Variants in TRIOBP observed in about 807,000 individuals in gnomAD.
TRIOBP encodes the protein TRIO and F-actin binding protein, also known as TRIO and F-actin-binding protein.
A neutral mutation model predicts 238.8 loss-of-function variants in TRIOBP; 169 were observed. The observed-to-expected ratio is 0.71, with a 90% confidence interval of 0.62 to 0.80. The LOEUF is 0.80. Ranked by LOEUF, TRIOBP falls within the 30% of genes least tolerant of loss-of-function variation. The pLI is 0.00. For missense variants in TRIOBP, 2,838 were observed against 3,122.6 expected (o/e 0.91, Z 2.17); for synonymous variants, 1,150 against 1,274.4 (o/e 0.90, Z 2.08).
chr22:37,725,402 C>T lies in TRIOBP; in HGVS notation c.2846C>T (p.Thr949Ile), dbSNP rs758045109. The T allele has an allele frequency of 3.7e-6, 6 of 1,610,646 alleles. No individual in the cohort carries two copies. Among genetic ancestry groups the T allele is most frequent in the East Asian group, 4.5e-5 (2 of 44,826 alleles). The change falls in exon 7 of 24, where the codon ACA becomes ATA. Residue 949 changes from threonine to isoleucine, a missense_variant. Coordinates refer to ENST00000644935, the MANE Select transcript of TRIOBP (RefSeq NM_001039141.3). ...CCAACCCAAGGTGACAGGCCTCAGA[C>T]ATCCTCTCCCAGCAGGCCAGCCCAG... ...LRPTQGDRPQTSSPSRPAQHD... is the reference protein window; with the variant it reads ...LRPTQGDRPQISSPSRPAQHD...
Position 37,725,079 on chromosome 22 carries a change from A to C in TRIOBP, c.2523A>C (p.Arg841=), listed in dbSNP as rs1924061097. 1 of 1,614,182 alleles carries C rather than the reference A, an allele frequency of 6.2e-7. No individual in the cohort carries two copies. Among genetic ancestry groups the C allele is most frequent in the Admixed American group, 1.7e-5 (1 of 60,018 alleles). The change falls in exon 7 of 24, where the codon CGA becomes CGC. Residue 841 remains arginine (R), a synonymous_variant. Coordinates refer to ENST00000644935, the MANE Select transcript of TRIOBP (RefSeq NM_001039141.3). ...ACCCTAAAACCTCTTGTACCAAACG[A>C]GATAACCTCAGACCCACTTGTACAC... ...QDNPKTSCTK[R]DNLRPTCTQR... is the part of the protein sequence containing the mutation.
rs767442889 is a variant in TRIOBP, at chr22:37,726,055, G to A, written c.3499G>A (p.Gly1167Arg). The A allele has an allele frequency of 7.5e-6, 12 of 1,593,910 alleles. No homozygotes were observed. The South Asian group carries it at 9.0e-5, about 12-fold the overall frequency. The change falls in exon 7 of 24, where the codon GGG becomes AGG. Residue 1167 changes from glycine (G) to arginine (R), a missense_variant. Gly to Arg is a moderately radical substitution (Grantham distance 125, BLOSUM62 -2). This residue lies in a region of TRIOBP where 2,096 missense variants were observed against 2,137.4 expected (regional missense o/e 0.98). Transcript: ENST00000644935. ...CCACATCCCCACCCCTGTGTGCATT[G>A]GGCACCGGGATGCACCCTCCTTCTC... ...CPHIPTPVCI[G>R]HRDAPSFSSP...
chr22:37,724,497 C>T lies in TRIOBP; in HGVS notation c.1941C>T (p.Ser647=). The change falls in exon 7 of 24, where the codon AGC becomes AGT. Residue 647 remains serine, a synonymous_variant. Coordinates refer to ENST00000644935, the MANE Select transcript of TRIOBP (RefSeq NM_001039141.3). The part of the protein sequence containing the change: ...SSPNRTTQQD[S]PRTSCARRDD... ...CCAACAGAACCACCCAACAAGACAG[C>T]CCCAGAACATCCTGTGCCCGACGGG... 6.2e-7 allele frequency: 1 copy of T among 1,610,140 alleles called. No homozygotes were observed. Among genetic ancestry groups the T allele is most frequent in the Non-Finnish European group, 8.5e-7 (1 of 1,178,566 alleles).
chr22:37,746,676 G>T (rs893377761), intron 11 of TRIOBP, among the ~76,000 whole-genome samples: 2 of 152,178 alleles, frequency 1.3e-5, no homozygotes, highest in Non-Finnish European at 2.9e-5. Context: ...GGAACGACCC[G>T]TCTCGGGCGC....
rs769430587 is a variant in TRIOBP at position 37,735,358 on chromosome 22, G to C, written c.5022G>C (p.Ala1674=). Residue 1674 remains alanine, a synonymous_variant, in exon 9 of 24, where the codon GCG becomes GCC. Transcript: ENST00000644935. ...WPKIKVTRGP[A]TATLAGLEQT... is the part of the protein sequence containing the mutation. ...AGATCAAAGTGACAAGAGGACCAGC[G>C]ACCGCAACTCTGGCAGGCCTGGAGC... 1.2e-6 allele frequency: 2 copies of C among 1,612,568 alleles called. No individual in the cohort carries two copies. Among genetic ancestry groups the C allele is most frequent in the Admixed American group, 1.7e-5 (1 of 59,886 alleles).
rs756650521 is a variant in TRIOBP at position 37,734,765 on chromosome 22, T to C, written c.4429T>C (p.Trp1477Arg). 7.5e-6 allele frequency: 12 copies of C among 1,610,690 alleles called. No homozygotes were observed. The highest frequency in any genetic ancestry group is 1.0e-5 in the Non-Finnish European group (12 of 1,179,274). The change falls in exon 9 of 24, where the codon TGG becomes CGG. Residue 1477 changes from tryptophan (W) to arginine (R), a missense_variant. By Grantham distance (101) the Trp-to-Arg change is moderately radical. Around this residue, in one of 5 missense-constraint regions of TRIOBP, gnomAD observed 2,096 missense variants for 2,137.4 expected, o/e 0.98. Coordinates refer to ENST00000644935, the MANE Select transcript of TRIOBP (RefSeq NM_001039141.3). ...GGCAGCCAAAGCCCCGGAGGGAGCA[T>C]GGGGGGGCACTTCCAGGGAGTACAA... ...LGAAKAPEGA[W>R]GGTSREYKES...
At chr22:37,731,313 A>AT (rs202179370) in intron 7 of TRIOBP, among the ~76,000 whole-genome samples, 3 of 150,852 alleles carry the variant, frequency 2.0e-5, no homozygotes, top group African/African-American at 7.3e-5. Flanking sequence ...CATTAAAAAA[A>AT]TTTTTTTTTC....
chr22:37,713,513 A>G, intron 5 of TRIOBP, 102 bp downstream of exon 5: 1 of 1,428,858 alleles, frequency 7.0e-7, no homozygotes, highest in Non-Finnish European at 9.7e-7. Context: ...GCCTCACACC[A>G]GGGAATCCGA....
intron 11 of TRIOBP, chr22:37,751,179 C>G: frequency 2.5e-6 from 1 of 400,664 alleles, no homozygotes; most frequent in South Asian, 1.9e-5. Context: ...GGGGCTGTGC[C>G]CCCCTGGGCG....
Position 37,775,576 on chromosome 22 carries a change from A to T in TRIOBP, c.*1796A>T, listed in dbSNP as rs1395512211. On this transcript the variant is annotated 3_prime_UTR_variant, in exon 24 of 24. Transcript: ENST00000644935. Reference sequence around the variant, plus strand: ...CAAGGCAGGGGGATCACTTGAGGTCAGGAGTTCGAGACCAGCCTGGCCAAC... The same window carrying T: ...CAAGGCAGGGGGATCACTTGAGGTCTGGAGTTCGAGACCAGCCTGGCCAAC... The T allele has an allele frequency of 1.3e-5, 2 of 152,230 alleles. No homozygotes were observed. The highest frequency in any genetic ancestry group is 4.8e-5 in the African/African-American group (2 of 41,456). 9.4% of individuals were successfully genotyped at this position (152,230 alleles called of 1,614,324 possible).
chr22:37,710,301 CTT>C, intron 3 of TRIOBP, 124 bp from the exon 4 acceptor site: 1 of 1,431,788 alleles, frequency 7.0e-7, no homozygotes, highest in Non-Finnish European at 9.5e-7. Flanking sequence ...TGGGCAGCTC[CTT>C]GAGAAGTGCA....
At chr22:37,755,012 C>G (rs1454586377) in intron 13 of TRIOBP, 28 bp downstream of exon 13, 3 of 1,612,576 alleles carry the variant, frequency 1.9e-6, no homozygotes, top group Non-Finnish European at 2.5e-6. Flanking sequence ...CTGATGAACC[C>G]CCGGAAGGGC....
rs1276379492 is a variant in TRIOBP, at chr22:37,725,897, T to C, written c.3341T>C (p.Ile1114Thr). 4 of 1,613,198 alleles carry C rather than the reference T, an allele frequency of 2.5e-6. No homozygotes were observed. The highest frequency in any genetic ancestry group is 1.1e-5 in the South Asian group (1 of 91,040). Reference protein sequence around the residue: ...EPLQLPAPVCIGYRDAPRASS... With the variant: ...EPLQLPAPVCTGYRDAPRASS... Reference sequence around the variant, plus strand: ...CTTCAGCTCCCTGCACCTGTGTGTATTGGGTACCGAGATGCACCCCGGGCC... The same window carrying C: ...CTTCAGCTCCCTGCACCTGTGTGTACTGGGTACCGAGATGCACCCCGGGCC... Residue 1114 changes from isoleucine (I) to threonine (T), a missense_variant, in exon 7 of 24, where the codon ATT becomes ACT. Coordinates refer to ENST00000644935, the MANE Select transcript of TRIOBP (RefSeq NM_001039141.3).
intron 11 of TRIOBP, among the ~76,000 whole-genome samples, chr22:37,742,202 G>A (rs775951270): frequency 6.1e-5 from 9 of 148,520 alleles, no homozygotes; most frequent in South Asian, 2.2e-4. Flanking sequence ...CAGGTAATCC[G>A]CCCACCTTGA....
At chr22:37,764,310 T>C (rs954856738) in intron 17 of TRIOBP, among the ~76,000 whole-genome samples, 3 of 152,202 alleles carry the variant, frequency 2.0e-5, no homozygotes, top group Admixed American at 1.3e-4. Context: ...GTGTTTTCCA[T>C]TCACTGGGAC....
At chr22:37,765,297 CA>C (rs934979064) in intron 17 of TRIOBP, among the ~76,000 whole-genome samples, 1 of 151,722 alleles carries the variant, frequency 6.6e-6, no homozygotes, top group Admixed American at 6.6e-5. Flanking sequence ...AAAACAAAAA[CA>C]AAAAAACCAC....
chr22:37,746,464 G>A, intron 11 of TRIOBP: 1 of 1,382,442 alleles, frequency 7.2e-7, no homozygotes, highest in South Asian at 1.4e-5. Context: ...CCGGGAGAAG[G>A]GCGACGACCC....
At chr22:37,772,872 A>T in intron 23 of TRIOBP, 108 bp downstream of exon 23, 1 of 1,372,274 alleles carries the variant, frequency 7.3e-7, no homozygotes, top group Non-Finnish European at 1.0e-6. Context: ...TCTGGCCTCC[A>T]ATTCCCGTTC....
intron 23 of TRIOBP, among the ~76,000 whole-genome samples, chr22:37,773,098 C>T (rs1601673405): frequency 1.3e-5 from 2 of 152,324 alleles, no homozygotes; most frequent in Admixed American, 6.5e-5. Context: ...CTGAGCTTCA[C>T]ACACACACAT....
Sources: gnomAD v4.1 joint callset for allele counts (sites outside exome capture counted in the v4.1 genomes callset) on GRCh38, gnomAD v4.1.1 for gene constraint, gnomAD v4.1.1 regional missense constraint, MANE v1.5 for transcripts, NCBI Gene and HGNC (gene_info 2026-07-23, HGNC 2026-07-21) for gene names.